Variants in BAD observed in about 807,000 individuals in gnomAD.
The protein encoded by BAD is bcl2-associated agonist of cell death.
BAD carries 18 observed loss-of-function variants against 17.8 expected under a neutral mutation model. The ratio of observed to expected loss-of-function variants is 1.01; its 90% CI spans 0.70 to 1.50. BAD has a LOEUF of 1.50. BAD is among the 40% of genes most tolerant of loss of function. The probability of loss-of-function intolerance (pLI) is 0.00; values close to 1 mark genes in which losing one functional copy is unlikely to be tolerated. For synonymous variants in BAD, 112 were observed against 91.5 expected (o/e 1.22, Z -1.28); for missense variants, 294 against 239.3 (o/e 1.23, Z -1.51).
chr11:64,279,568 C>G (rs1385970870), intron 2 of BAD, among the ~76,000 whole-genome samples: 1 of 151,690 alleles, frequency 6.6e-6, no homozygotes, highest in Non-Finnish European at 1.5e-5. Context: ...AATTCGAGAC[C>G]AGCCTGGCCA....
chr11:64,272,586 G>GTT (rs1209867126), intron 2 of BAD: 1 of 152,230 alleles, frequency 6.6e-6, no homozygotes, highest in Non-Finnish European at 1.5e-5. Flanking sequence ...AACTGTTGAC[G>GTT]TTTTTAGGTA....
Position 64,284,301 on chromosome 11 carries a change from C to A in BAD, c.68G>T (p.Gly23Val). 2 of 1,612,196 alleles carry A rather than the reference C, an allele frequency of 1.2e-6. No homozygotes were observed. The highest frequency in any genetic ancestry group is 3.3e-5 in the Admixed American group (2 of 60,030). ...GGGCCCGTCCCCTGCGGGGCTGGGG[C>A]CCAGGCCCCTCTCTGCAGAGCTGGA... Reference protein sequence around the residue: ...EDSSSAERGLGPSPAGDGPSG... With the variant: ...EDSSSAERGLVPSPAGDGPSG... Residue 23 changes from glycine to valine, a missense_variant, in exon 2 of 4, where the codon GGC (glycine) becomes GTC (valine). Transcript: ENST00000309032.
chr11:64,270,350 G>A lies in BAD; in HGVS notation c.379-13C>T, dbSNP rs777990910. On this transcript the variant is annotated splice_polypyrimidine_tract_variant and intron_variant, in intron 3 of 3. Transcript: ENST00000309032. ...GAGGAAGTCCCTTCTGGTGGAGGGA[G>A]AAAAGGGTTACATGAGTTAGATTAC... 7 of 1,539,098 alleles carry A rather than the reference G, an allele frequency of 4.5e-6. No individual in the cohort carries two copies. In the South Asian group the frequency reaches 8.7e-5, roughly 19 times the overall value.
At position 64,269,889 on chromosome 11, in the gene BAD, CGGG is replaced by C. The variant is rs1299988431; in HGVS notation, c.*317_*319del. The C allele has an allele frequency of 4.3e-6, 3 of 698,858 alleles. No individual in the cohort carries two copies. Among genetic ancestry groups the C allele is most frequent in the African/African-American group, 1.8e-5 (1 of 57,090 alleles). 43.3% of individuals were successfully genotyped at this position (698,858 alleles called of 1,614,324 possible). A position where few individuals can be genotyped will look rare whatever the true frequency, so the allele number is the denominator to read the frequency against. On this transcript the variant is annotated 3_prime_UTR_variant, in exon 4 of 4. Coordinates refer to ENST00000309032, the MANE Select transcript of BAD (RefSeq NM_032989.3). ...AGTGAGCACGGCCCCCAGGGCATCG[CGGG>C]GGCTCGGGTCCCGGTGACGCAACGG...
chr11:64,278,683 T>C (rs1452433000), intron 2 of BAD, among the ~76,000 whole-genome samples: 1 of 152,192 alleles, frequency 6.6e-6, no homozygotes, highest in Non-Finnish European at 1.5e-5. Context: ...GCTGCTTCTT[T>C]CTGCCTCTCC....
chr11:64,272,688 G>A (rs928625848), intron 2 of BAD: 7 of 152,276 alleles, frequency 4.6e-5, no homozygotes, highest in African/African-American at 1.7e-4. Flanking sequence ...GCTTAGGTGA[G>A]AAGACAGAAG....
In BAD at chr11:64,270,207, G is replaced by C. The variant is rs59283629; in HGVS notation, c.*2C>G. 4.3e-6 allele frequency: 7 copies of C among 1,613,908 alleles called. No individual in the cohort carries two copies. Among genetic ancestry groups the C allele is most frequent in the Non-Finnish European group, 5.9e-6 (7 of 1,179,894 alleles). On this transcript the variant is annotated 3_prime_UTR_variant, in exon 4 of 4. Coordinates refer to ENST00000309032, the MANE Select transcript of BAD (RefSeq NM_032989.3). Reference sequence around the variant, plus strand: ...GTGGAGTTTCGGGATGTGGAGCGAAGGTCACTGGGAGGGGGCGGAGCTTCC... The same window carrying C: ...GTGGAGTTTCGGGATGTGGAGCGAACGTCACTGGGAGGGGGCGGAGCTTCC...
At chr11:64,275,177 G>A (rs531832181) in intron 2 of BAD, among the ~76,000 whole-genome samples, 62 of 151,684 alleles carry the variant, frequency 4.1e-4, no homozygotes, top group African/African-American at 1.5e-3. Flanking sequence ...AGTGGGGAGA[G>A]GCATACTAGG....
At position 64,284,379 on chromosome 11, in the gene BAD, G is replaced by A; in HGVS notation, c.-8-3C>T. Reference sequence around the variant, plus strand: ...TGGGATCTGGAACATGCTCTGGGCTGTGAGGACAAGATGTTACGTAGTCAA... The same window carrying A: ...TGGGATCTGGAACATGCTCTGGGCTATGAGGACAAGATGTTACGTAGTCAA... On this transcript the variant is annotated splice_polypyrimidine_tract_variant and splice_region_variant and intron_variant, in intron 1 of 3. Transcript: ENST00000309032. 6.2e-7 allele frequency: 1 copy of A among 1,612,544 alleles called. No individual in the cohort carries two copies. Among genetic ancestry groups the A allele is most frequent in the Non-Finnish European group, 8.5e-7 (1 of 1,179,966 alleles).
intron 2 of BAD, chr11:64,275,688 TCTC>T (rs1319777744): frequency 3.3e-5 from 5 of 151,962 alleles, no homozygotes; most frequent in Admixed American, 1.3e-4. Flanking sequence ...CGGCAGCTGT[TCTC>T]CTCCACTAGC....
chr11:64,278,676 G>T (rs2033227787), intron 2 of BAD, among the ~76,000 whole-genome samples: 1 of 152,198 alleles, frequency 6.6e-6, no homozygotes, highest in Non-Finnish European at 1.5e-5. Flanking sequence ...GCACTGGGCT[G>T]CTTCTTTCTG....
intron 2 of BAD, among the ~76,000 whole-genome samples, chr11:64,274,120 C>T (rs926647028): frequency 6.6e-6 from 1 of 152,190 alleles, no homozygotes; most frequent in Non-Finnish European, 1.5e-5. Context: ...TGGCCGGGTG[C>T]GGTGGCTTAC....
Position 64,284,326 on chromosome 11 carries a change from A to G in BAD, c.43T>C (p.Ser15Pro). ...CCCAGGCCCCTCTCTGCAGAGCTGG[A>G]GTCTTCCTGCTCACTCGGCTCAAAC... is the stretch of plus-strand genomic sequence containing the variant. The part of the protein sequence containing the change: ...PEFEPSEQED[S>P]SSAERGLGPS... Residue 15 changes from serine (S) to proline (P), a missense_variant, in exon 2 of 4, where the codon TCC becomes CCC. Transcript: ENST00000309032. The G allele has an allele frequency of 6.2e-7, 1 of 1,612,782 alleles. No homozygotes were observed. Among genetic ancestry groups the G allele is most frequent in the Non-Finnish European group, 8.5e-7 (1 of 1,179,940 alleles).
At chr11:64,284,124 G>A in intron 2 of BAD, 58 bp downstream of exon 2, 1 of 1,508,028 alleles carries the variant, frequency 6.6e-7, no homozygotes, top group Non-Finnish European at 8.8e-7. Flanking sequence ...CTGGGATGCA[G>A]GGAGCCAGTG....
intron 2 of BAD, chr11:64,275,822 G>A (rs2033016281): frequency 6.6e-6 from 1 of 151,952 alleles, no homozygotes; most frequent in African/African-American, 2.4e-5. Context: ...ATCAGAACAA[G>A]CAGAAGACAC....
At chr11:64,270,433 G>C (rs191064630) in intron 3 of BAD, 96 bp from the exon 4 acceptor site, 1 of 1,443,854 alleles carries the variant, frequency 6.9e-7, no homozygotes, top group East Asian at 2.3e-5. Flanking sequence ...GTGAGATCGG[G>C]GGGGAGATAA....
intron 3 of BAD, 115 bp downstream of exon 3, chr11:64,271,498 T>C (rs2032603309): frequency 9.2e-7 from 1 of 1,091,708 alleles, no homozygotes; most frequent in Non-Finnish European, 1.2e-6. Context: ...CAGGACGGCT[T>C]TGGGGAGGGG....
chr11:64,283,246 G>A (rs2033607649), intron 2 of BAD, among the ~76,000 whole-genome samples: 1 of 152,202 alleles, frequency 6.6e-6, no homozygotes, highest in Non-Finnish European at 1.5e-5. Context: ...TATTTTTAGA[G>A]ATGGGGTCTG....
At chr11:64,278,108 A>G (rs2033189416) in intron 2 of BAD, among the ~76,000 whole-genome samples, 1 of 152,110 alleles carries the variant, frequency 6.6e-6, no homozygotes, top group Non-Finnish European at 1.5e-5. Flanking sequence ...AGCAACACAG[A>G]AAGACCCTTG....
Sources: gnomAD v4.1 joint callset for allele counts (sites outside exome capture counted in the v4.1 genomes callset) on GRCh38, gnomAD v4.1.1 for gene constraint, MANE v1.5 for transcripts, NCBI Gene and HGNC (gene_info 2026-07-23, HGNC 2026-07-21) for gene names.